Variants in COTL1 observed in about 807,000 individuals in gnomAD.
COTL1 encodes coactosin-like protein.
COTL1 carries 15 observed loss-of-function variants against 16.5 expected under a neutral mutation model. The ratio of observed to expected loss-of-function variants is 0.91; its 90% CI spans 0.61 to 1.40. The LOEUF (loss-of-function observed/expected upper bound fraction) is 1.40, where lower values mean the gene tolerates loss of function less well. Among genes scored for constraint, COTL1 ranks in the 40% most tolerant of loss-of-function variants. The pLI, the probability that COTL1 is intolerant of heterozygous loss-of-function variation, is 0.00. For synonymous variants in COTL1, 112 were observed against 85.3 expected, an observed-to-expected ratio of 1.31 and a Z score of -1.73; for missense variants, 220 against 201.5, an observed-to-expected ratio of 1.09 and a Z score of -0.56.
At chr16:84,614,622 C>T (rs1457846623) in intron 2 of COTL1, among the ~76,000 whole-genome samples, 1 of 152,040 alleles carries the variant, frequency 6.6e-6, no homozygotes, top group Non-Finnish European at 1.5e-5. Context: ...AGGCCCACAC[C>T]CTGAGGTTAT....
chr16:84,586,336 C>G (rs1370974184), intron 3 of COTL1, among the ~76,000 whole-genome samples: 2 of 152,208 alleles, frequency 1.3e-5, no homozygotes, highest in Non-Finnish European at 2.9e-5. Flanking sequence ...CACCACTACT[C>G]CCACCTAAAG....
At chr16:84,617,699 G>A (rs1347871705) in intron 1 of COTL1, 116 bp from the exon 2 acceptor site, 1 of 1,361,868 alleles carries the variant, frequency 7.3e-7, no homozygotes, top group Non-Finnish European at 1.0e-6. Context: ...GCCCGCGGGG[G>A]CCTGGCACGC....
At chr16:84,599,352 TG>T (rs1905068114) in intron 2 of COTL1, among the ~76,000 whole-genome samples, 1 of 152,242 alleles carries the variant, frequency 6.6e-6, no homozygotes, top group African/African-American at 2.4e-5. Flanking sequence ...GCAAATGTTT[TG>T]AACAACCTTT....
At chr16:84,598,656 A>AG (rs1350223450) in intron 2 of COTL1, among the ~76,000 whole-genome samples, 40 of 47,046 alleles carry the variant, frequency 8.5e-4, no homozygotes, top group African/African-American at 2.1e-3. Flanking sequence ...TCTCCCCCCC[A>AG]ACCCCCCCCA....
chr16:84,608,137 A>T (rs1181639647), intron 2 of COTL1, among the ~76,000 whole-genome samples: 1 of 152,032 alleles, frequency 6.6e-6, no homozygotes, highest in African/African-American at 2.4e-5. Context: ...ACCTAGACAT[A>T]GAGCTCCATG....
At chr16:84,571,807 C>T (rs542124952) in intron 3 of COTL1, among the ~76,000 whole-genome samples, 48 of 152,350 alleles carry the variant, frequency 3.2e-4, no homozygotes, top group African/African-American at 8.7e-4. Context: ...GAGCTGGACC[C>T]CAGCCTGCTC....
At chr16:84,593,582 G>A (rs1172854437) in intron 2 of COTL1, among the ~76,000 whole-genome samples, 1 of 151,468 alleles carries the variant, frequency 6.6e-6, no homozygotes, top group Non-Finnish European at 1.5e-5. Flanking sequence ...CGCGATCTCG[G>A]CTCACTGCAA....
intron 2 of COTL1, among the ~76,000 whole-genome samples, chr16:84,603,535 A>G (rs1453286875): frequency 6.6e-6 from 1 of 152,080 alleles, no homozygotes; most frequent in African/African-American, 2.4e-5. Flanking sequence ...CAGCCAGCTG[A>G]GGGGGTGATG....
intron 2 of COTL1, among the ~76,000 whole-genome samples, chr16:84,600,613 A>G (rs775971189): frequency 3.3e-5 from 5 of 152,316 alleles, no homozygotes; most frequent in Non-Finnish European, 7.4e-5. Context: ...GCGCCCGGCC[A>G]AGGCTCTGTT....
At chr16:84,609,818 G>A (rs1905284173) in intron 2 of COTL1, among the ~76,000 whole-genome samples, 1 of 152,186 alleles carries the variant, frequency 6.6e-6, no homozygotes, top group Non-Finnish European at 1.5e-5. Flanking sequence ...CGTAAAGAAG[G>A]ATGTGTTTGC....
At chr16:84,613,591 A>G (rs542243326) in intron 2 of COTL1, among the ~76,000 whole-genome samples, 1 of 152,316 alleles carries the variant, frequency 6.6e-6, no homozygotes, top group African/African-American at 2.4e-5. Context: ...GGAGCCATAG[A>G]AGGTTAATGA....
chr16:84,611,050 G>C (rs571794463), intron 2 of COTL1, among the ~76,000 whole-genome samples: 3 of 152,274 alleles, frequency 2.0e-5, no homozygotes, highest in Admixed American at 1.3e-4. Flanking sequence ...TATGGAACAA[G>C]CCAGTTTATC....
At chr16:84,569,041 G>C (rs1179602772) in intron 3 of COTL1, 1 of 152,306 alleles carries the variant, frequency 6.6e-6, no homozygotes, top group Non-Finnish European at 1.5e-5. Context: ...AATGGTTCAG[G>C]CCAGGTGCGG....
chr16:84,600,994 T>G (rs1905096174), intron 2 of COTL1, among the ~76,000 whole-genome samples: 1 of 151,842 alleles, frequency 6.6e-6, no homozygotes, highest in Non-Finnish European at 1.5e-5. Flanking sequence ...TAGACCTGAC[T>G]CCACCCTCTG....
chr16:84,584,406 C>T (rs1365647807), intron 3 of COTL1, among the ~76,000 whole-genome samples: 1 of 152,240 alleles, frequency 6.6e-6, no homozygotes, highest in East Asian at 1.9e-4. Flanking sequence ...CAGGCTCTAG[C>T]CCCAGCTCTA....
chr16:84,587,171 G>A lies in COTL1; in HGVS notation c.318+2934C>T, dbSNP rs1904753038. ...GGCCTGGAGAAAAACAGCCTGTAGGGTTGAATAAGTGGTTTTCCAAAACAA... is the reference window on the plus strand; with the variant it reads ...GGCCTGGAGAAAAACAGCCTGTAGGATTGAATAAGTGGTTTTCCAAAACAA... On this transcript the variant is annotated intron_variant, in intron 3 of 3. Transcript: ENST00000262428. Among the ~76,000 whole-genome samples the A allele has an allele frequency of 2.0e-5, 3 of 152,188 alleles. No homozygotes were observed. The South Asian group carries it at 6.2e-4, about 32-fold the overall frequency.
chr16:84,576,058 TTC>T (rs564230623), intron 3 of COTL1: 4 of 152,222 alleles, frequency 2.6e-5, no homozygotes, highest in Non-Finnish European at 5.9e-5. Flanking sequence ...CTAGTTCCTC[TTC>T]TCATTCCTAA....
chr16:84,578,593 G>A (rs7199046), intron 3 of COTL1, among the ~76,000 whole-genome samples: 5,594 of 149,262 alleles, frequency 0.037, 368 homozygotes, highest in African/African-American at 0.13. Flanking sequence ...AGGCATGCAC[G>A]CACACAAACA....
chr16:84,613,531 C>T (rs1183633127), intron 2 of COTL1, among the ~76,000 whole-genome samples: 1 of 151,890 alleles, frequency 6.6e-6, no homozygotes, highest in South Asian at 2.1e-4. Context: ...GGGGACAAAC[C>T]GACTAGAAAG....
Sources: gnomAD v4.1 joint callset for allele counts (sites outside exome capture counted in the v4.1 genomes callset) on GRCh38, gnomAD v4.1.1 for gene constraint, MANE v1.5 for transcripts, NCBI Gene and HGNC (gene_info 2026-07-23, HGNC 2026-07-21) for gene names.